PDS5A: variants seen among roughly 807,000 people sequenced by gnomAD.
The protein encoded by PDS5A is sister chromatid cohesion protein PDS5 homolog A.
Under a neutral mutation model 167.1 loss-of-function variants are expected in PDS5A, and 42 were observed. The ratio of observed to expected loss-of-function variants is 0.25; its 90% CI spans 0.20 to 0.33. The LOEUF (loss-of-function observed/expected upper bound fraction) is 0.33, where lower values mean the gene tolerates loss of function less well. Among genes scored for constraint, PDS5A ranks in the 10% least tolerant of loss-of-function variants. The probability of loss-of-function intolerance (pLI) is 1.00; values close to 1 mark genes in which losing one functional copy is unlikely to be tolerated. For synonymous variants in PDS5A, 553 were observed against 554.6 expected (o/e 1.00, Z 0.04); for missense variants, 1,033 against 1,605.9 (o/e 0.64, Z 6.10).
At chr4:39,974,024 G>A (rs976508970) in intron 2 of PDS5A, 1 of 461,006 alleles carries the variant, frequency 2.2e-6, no homozygotes, top group Admixed American at 3.1e-5. Context: ...TACTCGGGAG[G>A]CTGAGGCAGG....
At chr4:39,834,925 CCT>C (rs1161296595) in intron 32 of PDS5A, among the ~76,000 whole-genome samples, 1 of 152,158 alleles carries the variant, frequency 6.6e-6, no homozygotes, top group Admixed American at 6.5e-5. Flanking sequence ...ACCTCAGCTC[CCT>C]GAGTACAGGC....
chr4:39,909,752 G>C (rs2109679939), intron 10 of PDS5A, among the ~76,000 whole-genome samples: 1 of 152,276 alleles, frequency 6.6e-6, no homozygotes, highest in Non-Finnish European at 1.5e-5. Context: ...CAAAAAGGTA[G>C]ATTTAAATGC....
intron 22 of PDS5A, among the ~76,000 whole-genome samples, chr4:39,867,498 G>C (rs1719572870): frequency 6.8e-6 from 1 of 147,296 alleles, no homozygotes; most frequent in African/African-American, 2.5e-5. Flanking sequence ...TTTGAGACCA[G>C]CCTAGCCAAC....
intron 23 of PDS5A, among the ~76,000 whole-genome samples, chr4:39,864,645 G>C (rs1274527554): frequency 6.6e-6 from 1 of 152,136 alleles, no homozygotes; most frequent in Admixed American, 6.5e-5. Flanking sequence ...TTGGACAACA[G>C]GATTGTTAAA....
intron 26 of PDS5A, among the ~76,000 whole-genome samples, chr4:39,854,039 C>T (rs1242119191): frequency 6.6e-6 from 1 of 152,186 alleles, no homozygotes; most frequent in Admixed American, 6.5e-5. Flanking sequence ...CGGTGGCTCA[C>T]GCCTGTAATC....
intron 18 of PDS5A, among the ~76,000 whole-genome samples, chr4:39,877,497 T>C (rs1296629025): frequency 6.6e-6 from 1 of 152,206 alleles, no homozygotes; most frequent in Non-Finnish European, 1.5e-5. Context: ...AGTTTATAAA[T>C]ATATTGTATT....
At chr4:39,860,961 G>A (rs1718934154) in intron 26 of PDS5A, among the ~76,000 whole-genome samples, 1 of 151,914 alleles carries the variant, frequency 6.6e-6, no homozygotes, top group Admixed American at 6.6e-5. Context: ...AGCTACTCAG[G>A]AAGATGAGGT....
intron 29 of PDS5A, 106 bp from the exon 30 acceptor site, chr4:39,844,907 G>T: frequency 8.5e-7 from 1 of 1,180,056 alleles, no homozygotes; most frequent in Non-Finnish European, 1.1e-6. Flanking sequence ...GTGCTAATTA[G>T]TTAAATTTAC....
intron 17 of PDS5A, among the ~76,000 whole-genome samples, chr4:39,887,395 T>TAATATGA (rs1308808383): frequency 6.6e-6 from 1 of 152,258 alleles, no homozygotes; most frequent in African/African-American, 2.4e-5. Flanking sequence ...TTGGTTCTAT[T>TAATATGA]AATATGATGA....
chr4:39,884,782 C>T lies in PDS5A; in HGVS notation c.1887-4949G>A, dbSNP rs144079713. Among the ~76,000 whole-genome samples the T allele has an allele frequency of 4.6e-3, 699 of 152,258 alleles. 7 individuals are homozygous for T. Among genetic ancestry groups the T allele is most frequent in the African/African-American group, 0.016 (659 of 41,544 alleles). On this transcript the variant is annotated intron_variant, in intron 17 of 32. Coordinates refer to ENST00000303538, the MANE Select transcript of PDS5A (RefSeq NM_001100399.2). ...TTTCCCTCACGATTCAGTCCTCAAC[C>T]TTTTCCTTTTTAAAATTTTACTTTC...
chr4:39,918,683 A>AT (rs1307211185), intron 7 of PDS5A, among the ~76,000 whole-genome samples: 1 of 152,060 alleles, frequency 6.6e-6, no homozygotes, highest in Non-Finnish European at 1.5e-5. Flanking sequence ...GTGAAACTCC[A>AT]TCTCTACTAA....
chr4:39,928,716 A>C (rs981106928), intron 2 of PDS5A, among the ~76,000 whole-genome samples: 2 of 151,928 alleles, frequency 1.3e-5, no homozygotes, highest in African/African-American at 4.8e-5. Context: ...TCCCAGCTGC[A>C]TAGGAGGATG....
At chr4:39,930,151 G>A (rs1374650619) in intron 2 of PDS5A, among the ~76,000 whole-genome samples, 1 of 126,194 alleles carries the variant, frequency 7.9e-6, no homozygotes, top group Non-Finnish European at 1.6e-5. Flanking sequence ...GGAGGCAGAA[G>A]TTGCAGTGAG....
At chr4:39,863,546 C>G (rs1394964926) in intron 23 of PDS5A, 87 bp from the exon 24 acceptor site, 1 of 863,796 alleles carries the variant, frequency 1.2e-6, no homozygotes, top group African/African-American at 1.7e-5. Context: ...ATGTAAGGTC[C>G]TTAGAGCATA....
intron 2 of PDS5A, among the ~76,000 whole-genome samples, chr4:39,958,034 G>A (rs886746745): frequency 6.6e-6 from 1 of 151,828 alleles, no homozygotes; most frequent in African/African-American, 2.4e-5. Flanking sequence ...GGGACTACAG[G>A]AGCACACCAC....
intron 19 of PDS5A, among the ~76,000 whole-genome samples, chr4:39,875,095 T>C (rs563252936): frequency 2.9e-4 from 44 of 152,274 alleles, no homozygotes; most frequent in Non-Finnish European, 5.4e-4. Context: ...ATTTGAAAAT[T>C]AGCATTTCTT....
At chr4:39,927,004 C>A in intron 3 of PDS5A, 143 bp from the exon 4 acceptor site, 2 of 642,538 alleles carry the variant, frequency 3.1e-6, no homozygotes, top group Non-Finnish European at 4.4e-6. Flanking sequence ...TTGGCCTAAT[C>A]CATTATTCAA....
intron 2 of PDS5A, among the ~76,000 whole-genome samples, chr4:39,951,268 TA>T (rs1728324710): frequency 6.6e-6 from 1 of 152,180 alleles, no homozygotes; most frequent in African/African-American, 2.4e-5. Context: ...GACAGCAATA[TA>T]ATCTTGTAAG....
intron 11 of PDS5A, 124 bp downstream of exon 11, chr4:39,908,271 T>G (rs1244043208): frequency 1.3e-6 from 1 of 787,358 alleles, no homozygotes; most frequent in East Asian, 2.4e-5. Flanking sequence ...TTAGGAGCTC[T>G]TTATCATTGT....
Sources: gnomAD v4.1 joint callset for allele counts (sites outside exome capture counted in the v4.1 genomes callset) on GRCh38, gnomAD v4.1.1 for gene constraint, MANE v1.5 for transcripts, NCBI Gene and HGNC (gene_info 2026-07-23, HGNC 2026-07-21) for gene names.